Variants in RAD51B observed in about 807,000 individuals in gnomAD.
RAD51B encodes DNA repair protein RAD51 homolog 2.
A neutral mutation model predicts 42.2 loss-of-function variants in RAD51B; 38 were observed. The ratio of observed to expected loss-of-function variants is 0.90; its 90% CI spans 0.70 to 1.18. The LOEUF (loss-of-function observed/expected upper bound fraction) is 1.18. RAD51B is among the 50% of genes most tolerant of loss of function. RAD51B has a pLI of 0.00. For synonymous variants in RAD51B, 154 were observed against 145.2 expected (o/e 1.06, Z -0.43); for missense variants, 373 against 400.7 (o/e 0.93, Z 0.59).
chr14:68,604,716 CT>C, intron 10 of RAD51B, among the ~76,000 whole-genome samples: 1 of 152,322 alleles, frequency 6.6e-6, no homozygotes, highest in Non-Finnish European at 1.5e-5. Flanking sequence ...CCCATGGGCC[CT>C]CCTCCTCACT....
chr14:68,021,567 CTAAG>C (rs1436761530), intron 7 of RAD51B, among the ~76,000 whole-genome samples: 1 of 152,162 alleles, frequency 6.6e-6, no homozygotes, highest in African/African-American at 2.4e-5. Flanking sequence ...CCTAGCTAAA[CTAAG>C]TGTTATTTCT....
At chr14:68,441,649 C>CA (rs2085295282) in intron 9 of RAD51B, among the ~76,000 whole-genome samples, 1 of 150,922 alleles carries the variant, frequency 6.6e-6, no homozygotes, top group South Asian at 2.1e-4. Context: ...TTTTCCATTG[C>CA]AAAAAAGATA....
intron 7 of RAD51B, among the ~76,000 whole-genome samples, chr14:68,276,580 G>T (rs528106073): frequency 5.3e-5 from 8 of 152,184 alleles, no homozygotes; most frequent in Non-Finnish European, 4.4e-5. Flanking sequence ...TATCTACAGG[G>T]GAGTCTGTCA....
At chr14:68,066,216 G>C (rs780069711) in intron 7 of RAD51B, among the ~76,000 whole-genome samples, 1 of 151,844 alleles carries the variant, frequency 6.6e-6, no homozygotes, top group Non-Finnish European at 1.5e-5. Context: ...AATTAAATAA[G>C]GCAGGATAAT....
At chr14:68,664,165 A>C (rs908550626) in intron 11 of RAD51B, among the ~76,000 whole-genome samples, 4 of 152,224 alleles carry the variant, frequency 2.6e-5, no homozygotes, top group African/African-American at 7.2e-5. Context: ...CTAGAGAGGC[A>C]GTCAATTCTA....
chr14:67,916,971 G>A (rs190825802), intron 7 of RAD51B, among the ~76,000 whole-genome samples: 49 of 152,248 alleles, frequency 3.2e-4, no homozygotes, highest in Admixed American at 7.8e-4. Flanking sequence ...GCAGGGTAAG[G>A]GAGATACTGA....
chr14:68,426,942 T>A (rs1416169400), intron 9 of RAD51B, among the ~76,000 whole-genome samples: 1 of 152,138 alleles, frequency 6.6e-6, no homozygotes, highest in African/African-American at 2.4e-5. Context: ...CTCAGGACGC[T>A]ACCTTCTGCA....
At chr14:67,995,419 A>C (rs2075364281) in intron 7 of RAD51B, among the ~76,000 whole-genome samples, 1 of 151,418 alleles carries the variant, frequency 6.6e-6, no homozygotes, top group Non-Finnish European at 1.5e-5. Context: ...ACAACAACAA[A>C]AAGAACACAC....
At chr14:68,473,330 C>A (rs1237289735) in intron 10 of RAD51B, among the ~76,000 whole-genome samples, 1 of 152,210 alleles carries the variant, frequency 6.6e-6, no homozygotes, top group Non-Finnish European at 1.5e-5. Flanking sequence ...TGTCCCCAGC[C>A]TGCCAGGTGC....
chr14:68,004,941 G>A (rs1336980819), intron 7 of RAD51B, among the ~76,000 whole-genome samples: 1 of 150,238 alleles, frequency 6.7e-6, no homozygotes, highest in African/African-American at 2.5e-5. Flanking sequence ...TGTAGTTGTG[G>A]TTCATTCTGT....
intron 9 of RAD51B, among the ~76,000 whole-genome samples, chr14:68,416,747 A>G (rs1248622771): frequency 6.6e-6 from 1 of 152,214 alleles, no homozygotes; most frequent in African/African-American, 2.4e-5. Context: ...GCTGTAGTCT[A>G]TGGGAGGATG....
chr14:68,129,339 AACACAGCTAAAACTTAAAGACTT>A (rs1428117365), intron 7 of RAD51B, among the ~76,000 whole-genome samples: 1 of 152,198 alleles, frequency 6.6e-6, no homozygotes, highest in Non-Finnish European at 1.5e-5. Flanking sequence ...TTGGGGTGAC[AACACAGCTAAAACTTAAAGACTT>A]ACACATGTCA....
intron 11 of RAD51B, among the ~76,000 whole-genome samples, chr14:68,682,072 C>T (rs1893443233): frequency 6.6e-6 from 1 of 152,130 alleles, no homozygotes; most frequent in Non-Finnish European, 1.5e-5. Flanking sequence ...AAAAAGAATT[C>T]CCACCGTGCC....
At chr14:68,470,959 C>G (rs996314697) in intron 10 of RAD51B, among the ~76,000 whole-genome samples, 1 of 152,218 alleles carries the variant, frequency 6.6e-6, no homozygotes, top group Non-Finnish European at 1.5e-5. Context: ...CTTCTTACCA[C>G]ATGACCAAAC....
chr14:67,855,680 A>G (rs1382266509), intron 4 of RAD51B, among the ~76,000 whole-genome samples: 1 of 152,222 alleles, frequency 6.6e-6, no homozygotes, highest in Non-Finnish European at 1.5e-5. Flanking sequence ...AGTGTAAGAC[A>G]TAGATATTTA....
At chr14:68,362,269 A>G (rs140818879) in intron 8 of RAD51B, among the ~76,000 whole-genome samples, 23 of 152,374 alleles carry the variant, frequency 1.5e-4, no homozygotes, top group African/African-American at 5.0e-4. Context: ...TGGGGTACTA[A>G]AATTCCTAAA....
At chr14:68,634,358 C>T (rs560829564) in intron 10 of RAD51B, among the ~76,000 whole-genome samples, 5 of 152,270 alleles carry the variant, frequency 3.3e-5, no homozygotes, top group African/African-American at 7.2e-5. Flanking sequence ...GTACCTAAAC[C>T]GAATGCCTTC....
At chr14:68,152,723 CTTTT>C (rs3072524) in intron 7 of RAD51B, among the ~76,000 whole-genome samples, 3 of 146,684 alleles carry the variant, frequency 2.0e-5, no homozygotes, top group Admixed American at 6.8e-5. Context: ...AGTACCCAAT[CTTTT>C]TTTTTTTTTT....
At chr14:68,554,179 A>G (rs1888715639) in intron 10 of RAD51B, among the ~76,000 whole-genome samples, 1 of 152,226 alleles carries the variant, frequency 6.6e-6, no homozygotes, top group Non-Finnish European at 1.5e-5. Context: ...CTCCAAGGAC[A>G]GATTTGTGAT....
Sources: gnomAD v4.1 joint callset for allele counts (sites outside exome capture counted in the v4.1 genomes callset) on GRCh38, gnomAD v4.1.1 for gene constraint, MANE v1.5 for transcripts, NCBI Gene and HGNC (gene_info 2026-07-23, HGNC 2026-07-21) for gene names.